The following SGCZ variants were observed in gnomAD, a reference collection of about 807,000 sequenced individuals.
The protein encoded by SGCZ is sarcoglycan zeta, also known as zeta-sarcoglycan.
A neutral mutation model predicts 41.3 loss-of-function variants in SGCZ; 40 were observed. The observed-to-expected ratio is 0.97, with a 90% CI of 0.75 to 1.26. The LOEUF is 1.26. Among genes scored for constraint, SGCZ ranks in the 50% most tolerant of loss-of-function variants. SGCZ has a pLI of 0.00. For synonymous variants in SGCZ, 206 were observed against 137.5 expected (o/e 1.50, Z -3.49); for missense variants, 552 against 369.8 (o/e 1.49, Z -4.04).
chr8:14,330,018 C>G (rs888572208), intron 2 of SGCZ, among the ~76,000 whole-genome samples: 1 of 152,084 alleles, frequency 6.6e-6, no homozygotes, highest in Non-Finnish European at 1.5e-5. Context: ...CCTTTTAATG[C>G]TCTTACCGTA....
chr8:14,416,929 G>C (rs576888380), intron 2 of SGCZ, among the ~76,000 whole-genome samples: 76 of 151,988 alleles, frequency 5.0e-4, no homozygotes, highest in African/African-American at 1.8e-3. Flanking sequence ...GAGCATATGT[G>C]TGACAGTTTT....
At chr8:14,349,830 C>T (rs1209475521) in intron 2 of SGCZ, among the ~76,000 whole-genome samples, 1 of 152,018 alleles carries the variant, frequency 6.6e-6, no homozygotes, top group African/African-American at 2.4e-5. Context: ...GTAGACATGC[C>T]ATAAAAAAGT....
intron 1 of SGCZ, among the ~76,000 whole-genome samples, chr8:14,829,193 C>CTACCCCAA (rs1385424117): frequency 8.5e-6 from 1 of 117,274 alleles, no homozygotes; most frequent in African/African-American, 5.0e-5. Flanking sequence ...CTCCCTGCTT[C>CTACCCCAA]CACCCCAACA....
At chr8:15,200,172 T>C (rs1800847957) in intron 1 of SGCZ, among the ~76,000 whole-genome samples, 1 of 152,226 alleles carries the variant, frequency 6.6e-6, no homozygotes, top group Non-Finnish European at 1.5e-5. Flanking sequence ...AGTTCTTGTA[T>C]CAGATCTTCA....
In SGCZ at chr8:14,757,192, G is replaced by T. The variant is rs183834584; in HGVS notation, c.40-202266C>A. On this transcript the variant is annotated intron_variant, in intron 1 of 7. Coordinates refer to ENST00000382080, the MANE Select transcript of SGCZ (RefSeq NM_139167.4). Reference sequence around the variant, plus strand: ...GCCTCCCTAGTAGCTGGGATTACAGGTGCCTGCCACCACACCCAGCTAATG... The same window carrying T: ...GCCTCCCTAGTAGCTGGGATTACAGTTGCCTGCCACCACACCCAGCTAATG... Among the ~76,000 whole-genome samples, 664 of 152,260 alleles carry T rather than the reference G, an allele frequency of 4.4e-3. 1 individual carries two copies. Among genetic ancestry groups the T allele is most frequent in the East Asian group, 0.01 (53 of 5,166 alleles).
intron 1 of SGCZ, among the ~76,000 whole-genome samples, chr8:14,599,892 G>C (rs763834183): frequency 6.6e-6 from 1 of 151,964 alleles, no homozygotes; most frequent in Non-Finnish European, 1.5e-5. Context: ...TATCTTCAGT[G>C]GCTGCCTTAT....
chr8:15,142,004 T>A (rs747864350), intron 1 of SGCZ, among the ~76,000 whole-genome samples: 1 of 151,862 alleles, frequency 6.6e-6, no homozygotes, highest in African/African-American at 2.4e-5. Context: ...ACCGGCTGCA[T>A]CAAGAAAGCT....
chr8:15,144,399 A>T (rs1798977114), intron 1 of SGCZ, among the ~76,000 whole-genome samples: 2 of 151,466 alleles, frequency 1.3e-5, no homozygotes, highest in Non-Finnish European at 1.5e-5. Flanking sequence ...TTCCTAGTTT[A>T]ATGAAGGCTT....
intron 4 of SGCZ, among the ~76,000 whole-genome samples, chr8:14,232,153 A>G (rs1585257834): frequency 6.6e-6 from 1 of 151,866 alleles, no homozygotes; most frequent in South Asian, 2.1e-4. Context: ...ATATACATAT[A>G]TATTTAATTT....
At chr8:14,415,311 G>C (rs1003279812) in intron 2 of SGCZ, among the ~76,000 whole-genome samples, 33 of 151,824 alleles carry the variant, frequency 2.2e-4, no homozygotes, top group African/African-American at 7.7e-4. Context: ...CAGAATATGA[G>C]TGCTTTCAGA....
At chr8:14,114,313 C>T (rs1433582900) in intron 5 of SGCZ, among the ~76,000 whole-genome samples, 2 of 151,980 alleles carry the variant, frequency 1.3e-5, no homozygotes, top group Non-Finnish European at 2.9e-5. Context: ...CACTTTAACA[C>T]AAATCAACAT....
At chr8:14,216,414 A>G (rs941601046) in intron 4 of SGCZ, among the ~76,000 whole-genome samples, 2 of 148,694 alleles carry the variant, frequency 1.3e-5, no homozygotes, top group Non-Finnish European at 3.0e-5. Flanking sequence ...GGCCAGCGTT[A>G]CTCGGATAAC....
At chr8:14,091,199 G>GT (rs1563120213) in intron 7 of SGCZ, among the ~76,000 whole-genome samples, 1 of 151,608 alleles carries the variant, frequency 6.6e-6, no homozygotes, top group African/African-American at 2.4e-5. Flanking sequence ...GTATTCCATG[G>GT]TGTATATGTG....
intron 3 of SGCZ, among the ~76,000 whole-genome samples, chr8:14,259,161 G>C (rs1255337413): frequency 1.3e-5 from 2 of 152,056 alleles, no homozygotes; most frequent in African/African-American, 4.8e-5. Context: ...TTTTCAATTT[G>C]TTATGAAGTT....
At chr8:14,711,435 C>CAAAAA in intron 1 of SGCZ, among the ~76,000 whole-genome samples, 1 of 102,984 alleles carries the variant, frequency 9.7e-6, no homozygotes, top group Non-Finnish European at 2.0e-5. Flanking sequence ...ACTAAAAATA[C>CAAAAA]AAAAAAAAAA....
chr8:14,445,340 A>G (rs1214104144), intron 2 of SGCZ, among the ~76,000 whole-genome samples: 1 of 152,156 alleles, frequency 6.6e-6, no homozygotes, highest in African/African-American at 2.4e-5. Flanking sequence ...TGCCTTTTCC[A>G]AAACTACCTA....
intron 1 of SGCZ, among the ~76,000 whole-genome samples, chr8:14,703,203 T>G (rs1390925414): frequency 6.6e-6 from 1 of 151,992 alleles, no homozygotes; most frequent in East Asian, 1.9e-4. Context: ...AATATTTACT[T>G]TCATACATGC....
At chr8:14,570,070 C>G (rs1563122183) in intron 1 of SGCZ, among the ~76,000 whole-genome samples, 1 of 151,920 alleles carries the variant, frequency 6.6e-6, no homozygotes, top group Non-Finnish European at 1.5e-5. Context: ...TTATCTCTGC[C>G]TAGCATCAAA....
chr8:14,907,200 A>T (rs1412876111), intron 1 of SGCZ, among the ~76,000 whole-genome samples: 1 of 151,882 alleles, frequency 6.6e-6, no homozygotes, highest in African/African-American at 2.4e-5. Context: ...ACAGTTACCC[A>T]TTATTATTTT....
Sources: gnomAD v4.1 joint callset for allele counts (sites outside exome capture counted in the v4.1 genomes callset) on GRCh38, gnomAD v4.1.1 for gene constraint, MANE v1.5 for transcripts, NCBI Gene and HGNC (gene_info 2026-07-23, HGNC 2026-07-21) for gene names.